The following DMRT1 variants were observed in gnomAD, a reference collection of about 807,000 sequenced individuals.
DMRT1 encodes the protein doublesex- and mab-3-related transcription factor 1.
In DMRT1, 7 loss-of-function variants were observed where a neutral mutation model predicts 32.3. That is an observed-to-expected ratio of 0.22 (90% CI 0.12 to 0.41). The LOEUF (loss-of-function observed/expected upper bound fraction) is 0.41, where lower values mean the gene tolerates loss of function less well. Among genes scored for constraint, DMRT1 ranks in the 10% least tolerant of loss-of-function variants. The probability of loss-of-function intolerance (pLI) is 1.00; values close to 1 mark genes in which losing one functional copy is unlikely to be tolerated. For missense variants in DMRT1, 625 were observed against 500.5 expected, an observed-to-expected ratio of 1.25 and a Z score of -2.37; for synonymous variants, 278 against 206.1, an observed-to-expected ratio of 1.35 and a Z score of -2.99.
intron 4 of DMRT1, among the ~76,000 whole-genome samples, chr9:934,522 C>T (rs759981226): frequency 6.6e-6 from 1 of 152,064 alleles, no homozygotes; most frequent in Non-Finnish European, 1.5e-5. Context: ...AAAAATGAGA[C>T]CCTGTCTCAA....
chr9:967,851 C>A (rs1394971831), intron 4 of DMRT1, 134 bp from the exon 5 acceptor site: 1 of 871,222 alleles, frequency 1.1e-6, no homozygotes, highest in South Asian at 1.4e-5. Context: ...AAAACACTTT[C>A]AACTCAGAAT....
chr9:857,559 A>G (rs546455501), intron 2 of DMRT1, among the ~76,000 whole-genome samples: 1 of 152,288 alleles, frequency 6.6e-6, no homozygotes, highest in Non-Finnish European at 1.5e-5. Flanking sequence ...GTGTTTCCTG[A>G]AAACGAGGGA....
At chr9:842,442 G>A (rs544228278) in intron 1 of DMRT1, 4 of 526,770 alleles carry the variant, frequency 7.6e-6, no homozygotes, top group South Asian at 2.2e-5. Context: ...CACCATATTG[G>A]TCAGGCCGGT....
At chr9:849,377 T>C (rs968355717) in intron 2 of DMRT1, among the ~76,000 whole-genome samples, 1 of 152,292 alleles carries the variant, frequency 6.6e-6, no homozygotes, top group African/African-American at 2.4e-5. Context: ...TGCCATTCTA[T>C]CTTGGCAGAG....
chr9:945,608 A>G (rs768048501), intron 4 of DMRT1, among the ~76,000 whole-genome samples: 25 of 152,198 alleles, frequency 1.6e-4, no homozygotes, highest in Non-Finnish European at 2.9e-4. Context: ...TAACTGGAAA[A>G]CTGGTTTTTC....
chr9:844,602 C>CA (rs199816907), intron 1 of DMRT1, among the ~76,000 whole-genome samples: 6,300 of 151,664 alleles, frequency 0.042, 399 homozygotes, highest in African/African-American at 0.14. Flanking sequence ...TTTTCTAAGT[C>CA]GAAGACTTTT....
chr9:916,668 AGCCT>A, intron 3 of DMRT1, 91 bp from the exon 4 acceptor site: 1 of 1,484,400 alleles, frequency 6.7e-7, no homozygotes, highest in South Asian at 1.1e-5. Flanking sequence ...CACTGTGCCC[AGCCT>A]GTTACCTTGT....
At chr9:886,533 C>T (rs1054401511) in intron 2 of DMRT1, among the ~76,000 whole-genome samples, 2 of 151,990 alleles carry the variant, frequency 1.3e-5, no homozygotes, top group African/African-American at 4.8e-5. Flanking sequence ...TGGGATTACA[C>T]GCGTGAGCCA....
chr9:964,143 T>C (rs1564280282), intron 4 of DMRT1, among the ~76,000 whole-genome samples: 1 of 152,242 alleles, frequency 6.6e-6, no homozygotes, highest in Non-Finnish European at 1.5e-5. Flanking sequence ...ATCATTCAAG[T>C]TAAAAGTCAG....
chr9:950,678 C>T (rs1819399661), intron 4 of DMRT1, among the ~76,000 whole-genome samples: 1 of 152,164 alleles, frequency 6.6e-6, no homozygotes, highest in Non-Finnish European at 1.5e-5. Flanking sequence ...CATTTACCAG[C>T]TCCTGCCTTA....
Position 877,297 on chromosome 9 carries a change from G to T in DMRT1, c.539-16615G>T, listed in dbSNP as rs147907050. On this transcript the variant is annotated intron_variant, in intron 2 of 4. Transcript: ENST00000382276. ...GATATACATACACTCTGCTGAACAGGTTTTGAACCGTGTAATACCTTAGAG... is the reference window on the plus strand; with the variant it reads ...GATATACATACACTCTGCTGAACAGTTTTTGAACCGTGTAATACCTTAGAG... 4.9e-3 allele frequency among the ~76,000 whole-genome samples: 746 copies of T among 152,294 alleles called. 7 individuals carry two copies. Among genetic ancestry groups the T allele is most frequent in the African/African-American group, 0.017 (710 of 41,562 alleles).
intron 2 of DMRT1, among the ~76,000 whole-genome samples, chr9:876,860 A>G (rs73386405): frequency 0.011 from 1,653 of 149,606 alleles, 46 homozygotes; most frequent in African/African-American, 0.039. Context: ...TATCAGCCAG[A>G]CTCCACGGCT....
At chr9:866,617 T>C (rs4742515) in intron 2 of DMRT1, among the ~76,000 whole-genome samples, 122,618 of 152,164 alleles carry the variant, frequency 0.81, 49,827 homozygotes, top group Admixed American at 0.88. Flanking sequence ...CTCAAGGACG[T>C]TATTGGGCTG....
chr9:903,782 C>T (rs1401312097), intron 3 of DMRT1, among the ~76,000 whole-genome samples: 1 of 152,194 alleles, frequency 6.6e-6, no homozygotes, highest in Non-Finnish European at 1.5e-5. Flanking sequence ...GGAGAACAGA[C>T]AGCTCTGACT....
intron 4 of DMRT1, among the ~76,000 whole-genome samples, chr9:932,582 T>A (rs1216271094): frequency 6.6e-6 from 1 of 152,160 alleles, no homozygotes; most frequent in Non-Finnish European, 1.5e-5. Flanking sequence ...AAACTGGGTG[T>A]CCTACAATTC....
At chr9:851,508 G>C (rs1839151855) in intron 2 of DMRT1, among the ~76,000 whole-genome samples, 1 of 152,174 alleles carries the variant, frequency 6.6e-6, no homozygotes, top group Non-Finnish European at 1.5e-5. Flanking sequence ...AAAGTGCTGG[G>C]ATTACAGGCG....
rs557054731 is a variant in DMRT1, at chr9:865,805, T to C, written c.538+18662T>C. Among the ~76,000 whole-genome samples the C allele has an allele frequency of 1.5e-4, 23 of 152,282 alleles. No individual in the cohort carries two copies. The East Asian group carries it at 2.7e-3, about 18-fold the overall frequency. On this transcript the variant is annotated intron_variant, in intron 2 of 4. Coordinates refer to ENST00000382276, the MANE Select transcript of DMRT1 (RefSeq NM_021951.3). ...ATATTTCCCCTTCTTTTCATGACCT[T>C]CTTTTTCTGTTTTGTTGACTTCGCT...
At chr9:893,762 A>C in intron 2 of DMRT1, 150 bp from the exon 3 acceptor site, 1 of 709,282 alleles carries the variant, frequency 1.4e-6, no homozygotes, top group Non-Finnish European at 2.4e-6. Flanking sequence ...ACTCTCCCTT[A>C]TTTTGGCTAT....
chr9:843,565 T>G (rs969921411), intron 1 of DMRT1, among the ~76,000 whole-genome samples: 8 of 152,212 alleles, frequency 5.3e-5, no homozygotes, highest in Non-Finnish European at 1.2e-4. Flanking sequence ...GGTTCGTAAG[T>G]AGGCTGGTAA....
Sources: allele counts gnomAD v4.1 joint callset (sites outside exome capture counted in the v4.1 genomes callset), GRCh38; gene constraint gnomAD v4.1.1; transcripts MANE v1.5; gene names NCBI Gene and HGNC (gene_info 2026-07-23, HGNC 2026-07-21).